Variants in VPS13B observed in about 807,000 individuals in gnomAD.
VPS13B encodes vacuolar protein sorting 13 homolog B.
In VPS13B, 285 loss-of-function variants were observed where a neutral mutation model predicts 426.4. The ratio of observed to expected loss-of-function variants is 0.67; its 90% confidence interval spans 0.61 to 0.74. VPS13B has a LOEUF of 0.74. Among genes scored for constraint, VPS13B ranks in the 30% least tolerant of loss-of-function variants. The probability of loss-of-function intolerance (pLI) is 0.00; values close to 1 mark genes in which losing one functional copy is unlikely to be tolerated. For missense variants in VPS13B, 4,537 were observed against 4,782.6 expected (o/e 0.95, Z 1.51); for synonymous variants, 1,676 against 1,676.4 (o/e 1.00, Z 0.01).
chr8:99,381,281 A>G (rs2133287676), intron 19 of VPS13B, among the ~76,000 whole-genome samples: 1 of 152,300 alleles, frequency 6.6e-6, no homozygotes, highest in African/African-American at 2.4e-5. Context: ...TATATGTAAC[A>G]CATTTCCATT....
intron 17 of VPS13B, among the ~76,000 whole-genome samples, chr8:99,271,032 A>G (rs976157391): frequency 6.6e-6 from 1 of 152,056 alleles, no homozygotes; most frequent in African/African-American, 2.4e-5. Context: ...ATAGAATGAA[A>G]ATAGTAATAG....
At chr8:99,603,507 G>T (rs980695583) in intron 33 of VPS13B, among the ~76,000 whole-genome samples, 2 of 152,098 alleles carry the variant, frequency 1.3e-5, no homozygotes, top group African/African-American at 4.8e-5. Flanking sequence ...TTAAAATAAG[G>T]GTTACTTGAA....
At chr8:99,432,384 C>T (rs1435881907) in intron 22 of VPS13B, among the ~76,000 whole-genome samples, 1 of 152,030 alleles carries the variant, frequency 6.6e-6, no homozygotes, top group Non-Finnish European at 1.5e-5. Flanking sequence ...CTTGTTCCCA[C>T]CTTACTATGA....
At chr8:99,045,367 G>T (rs1240919197) in intron 3 of VPS13B, among the ~76,000 whole-genome samples, 5 of 150,328 alleles carry the variant, frequency 3.3e-5, no homozygotes, top group African/African-American at 1.2e-4. Context: ...AGAATTGTCT[G>T]TTCATGTCCT....
At position 99,220,877 on chromosome 8, in the gene VPS13B, C is replaced by T. The variant is rs112053806; in HGVS notation, c.2515+27820C>T. 7.3e-5 allele frequency among the ~76,000 whole-genome samples: 8 copies of T among 109,366 alleles called. No homozygotes were observed. In the East Asian group the frequency reaches 1.3e-3, roughly 18 times the overall value. The allele number at this position is 109,366 out of a possible 152,430, so 71.7% of individuals were successfully genotyped here. A position where few individuals can be genotyped will look rare whatever the true frequency, so the allele number is the denominator to read the frequency against. ...TATGTATACATGTGCCATGCTGGTG[C>T]GCTGCACCCACTAATGTGTCATCTA... On this transcript the variant is annotated intron_variant, in intron 17 of 61. Transcript: ENST00000357162.
chr8:99,669,649 T>C (rs1429851556), intron 35 of VPS13B, among the ~76,000 whole-genome samples: 1 of 152,210 alleles, frequency 6.6e-6, no homozygotes, highest in African/African-American at 2.4e-5. Flanking sequence ...CTGGTCTTTT[T>C]CTCCTAATAG....
intron 21 of VPS13B, among the ~76,000 whole-genome samples, chr8:99,394,799 A>C (rs1186999565): frequency 2.0e-5 from 3 of 152,228 alleles, no homozygotes; most frequent in Non-Finnish European, 4.4e-5. Flanking sequence ...CATAATAAAT[A>C]CAGTTAAAAT....
At chr8:99,282,880 T>C (rs1819241857) in intron 19 of VPS13B, among the ~76,000 whole-genome samples, 4 of 152,226 alleles carry the variant, frequency 2.6e-5, no homozygotes, top group Admixed American at 1.3e-4. Context: ...TTAAAAATAA[T>C]TTAAAATTTT....
intron 17 of VPS13B, among the ~76,000 whole-genome samples, chr8:99,214,671 T>G (rs972988852): frequency 1.6e-4 from 24 of 152,300 alleles, no homozygotes; most frequent in African/African-American, 5.3e-4. Flanking sequence ...TCCAATTTAT[T>G]TTCTCAATAC....
chr8:99,166,137 T>G (rs1349788796), intron 15 of VPS13B, among the ~76,000 whole-genome samples: 1 of 152,008 alleles, frequency 6.6e-6, no homozygotes, highest in Non-Finnish European at 1.5e-5. Flanking sequence ...GTGCCACCAC[T>G]CCTGGCTAAT....
At chr8:99,398,812 GTATT>G (rs1814880747) in intron 21 of VPS13B, among the ~76,000 whole-genome samples, 2 of 135,582 alleles carry the variant, frequency 1.5e-5, no homozygotes, top group African/African-American at 5.9e-5. Flanking sequence ...GGTGGGACAA[GTATT>G]TTTTTTTTTT....
chr8:99,309,195 A>T (rs1209750506), intron 19 of VPS13B, among the ~76,000 whole-genome samples: 2 of 151,906 alleles, frequency 1.3e-5, no homozygotes, highest in Non-Finnish European at 2.9e-5. Flanking sequence ...GTTAGATCCC[A>T]TTTGTCAATT....
At chr8:99,648,188 G>C (rs533791701) in intron 34 of VPS13B, among the ~76,000 whole-genome samples, 1 of 152,286 alleles carries the variant, frequency 6.6e-6, no homozygotes, top group East Asian at 1.9e-4. Context: ...GCAAGACTCT[G>C]AGAAACCAGT....
At chr8:99,713,024 C>A (rs953092999) in intron 36 of VPS13B, among the ~76,000 whole-genome samples, 86 of 152,204 alleles carry the variant, frequency 5.7e-4, no homozygotes, top group African/African-American at 2.0e-3. Context: ...AGTACTAGTT[C>A]TTTTAAGACA....
chr8:99,296,878 A>G (rs1304036998), intron 19 of VPS13B, among the ~76,000 whole-genome samples: 3 of 152,196 alleles, frequency 2.0e-5, no homozygotes, highest in Non-Finnish European at 2.9e-5. Context: ...TGGACTCCCT[A>G]GGTTCCAGAA....
At chr8:99,609,864 C>T (rs578054886) in intron 33 of VPS13B, among the ~76,000 whole-genome samples, 5 of 152,226 alleles carry the variant, frequency 3.3e-5, no homozygotes, top group Non-Finnish European at 5.9e-5. Flanking sequence ...TGCTAAGGCA[C>T]TCAGTATTGC....
rs147774541 is a variant in VPS13B at position 99,602,430 on chromosome 8, G to A, written c.5220+24797G>A. Among the ~76,000 whole-genome samples, 611 of 152,252 alleles carry A rather than the reference G, an allele frequency of 4.0e-3. 7 individuals carry two copies. Among genetic ancestry groups the A allele is most frequent in the African/African-American group, 0.014 (567 of 41,554 alleles). ...GTAGTACAGTTTGAAGTCAGGTAAC[G>A]TGATGCCTCCAGCTTTCTTTTGCTT... On this transcript the variant is annotated intron_variant, in intron 33 of 61. Transcript: ENST00000357162.
chr8:99,085,154 A>G (rs1418944463), intron 3 of VPS13B, among the ~76,000 whole-genome samples: 1 of 152,174 alleles, frequency 6.6e-6, no homozygotes, highest in African/African-American at 2.4e-5. Context: ...GGGTGCATAT[A>G]TATTTAGGAT....
intron 17 of VPS13B, among the ~76,000 whole-genome samples, chr8:99,271,195 AACTACT>A (rs10538522): frequency 0.029 from 4,249 of 145,110 alleles, 75 homozygotes; most frequent in South Asian, 0.056. Flanking sequence ...TGCTACCACT[AACTACT>A]ACTACTACTA....
Sources: allele counts gnomAD v4.1 joint callset (sites outside exome capture counted in the v4.1 genomes callset), GRCh38; gene constraint gnomAD v4.1.1; transcripts MANE v1.5; gene names NCBI Gene and HGNC (gene_info 2026-07-23, HGNC 2026-07-21).